FRMD5: variants seen among roughly 807,000 people sequenced by gnomAD.
The protein encoded by FRMD5 is FERM domain-containing protein 5.
Under a neutral mutation model 69.0 loss-of-function variants are expected in FRMD5, and 20 were observed. The ratio of observed to expected loss-of-function variants is 0.29; its 90% CI spans 0.20 to 0.42. The LOEUF is 0.42. FRMD5 is among the 10% of genes least tolerant of loss of function. FRMD5 has a pLI of 1.00. For synonymous variants in FRMD5, 271 were observed against 260.1 expected (o/e 1.04, Z -0.40); for missense variants, 595 against 708.6 (o/e 0.84, Z 1.82).
intron 1 of FRMD5, among the ~76,000 whole-genome samples, chr15:44,183,453 G>A (rs973082332): frequency 6.6e-6 from 1 of 152,206 alleles, no homozygotes; most frequent in African/African-American, 2.4e-5. Context: ...CATCTGGCAA[G>A]GGCAAATGGG....
chr15:43,918,669 T>C (rs1370146407), intron 4 of FRMD5, among the ~76,000 whole-genome samples: 9 of 152,234 alleles, frequency 5.9e-5, no homozygotes, highest in Non-Finnish European at 1.5e-5. Flanking sequence ...TCCTTACCTA[T>C]GGTCCTGCCT....
chr15:44,191,915 ATATATATTATATATATATATATATATG>A (rs2078201808), intron 1 of FRMD5, among the ~76,000 whole-genome samples: 1 of 9,774 alleles, frequency 1.0e-4, no homozygotes, highest in East Asian at 3.4e-3. Flanking sequence ...ATATATATAT[ATATATATTATATATATATATATATATG>A]TATCTCCATA....
At chr15:43,978,600 G>A (rs2140611056) in intron 1 of FRMD5, among the ~76,000 whole-genome samples, 1 of 152,278 alleles carries the variant, frequency 6.6e-6, no homozygotes, top group South Asian at 2.1e-4. Flanking sequence ...CACCCAGGCT[G>A]GAGTGCAGTG....
chr15:44,082,960 C>G (rs1286719528), intron 1 of FRMD5, among the ~76,000 whole-genome samples: 1 of 151,864 alleles, frequency 6.6e-6, no homozygotes, highest in Non-Finnish European at 1.5e-5. Context: ...ACAATGGTAC[C>G]AAAGGAGTGT....
Position 44,172,815 on chromosome 15 carries a change from A to G in FRMD5, c.102+22138T>C, listed in dbSNP as rs535162795. On this transcript the variant is annotated intron_variant, in intron 1 of 13. Coordinates refer to ENST00000417257, the MANE Select transcript of FRMD5 (RefSeq NM_032892.5). ...CTGAAAATAAAAACCTTCAGGAAAA[A>G]GTTTTCCTTCTCTTAACCAGGAAGA... Among the ~76,000 whole-genome samples the G allele has an allele frequency of 1.2e-4, 19 of 152,330 alleles. No individual in the cohort carries two copies. The South Asian group carries it at 3.3e-3, about 27-fold the overall frequency.
At chr15:44,178,345 A>T (rs1475518909) in intron 1 of FRMD5, among the ~76,000 whole-genome samples, 2 of 152,082 alleles carry the variant, frequency 1.3e-5, no homozygotes, top group Non-Finnish European at 2.9e-5. Context: ...AAAATAAAAA[A>T]ATTAAAAGGC....
chr15:43,975,652 T>C (rs997514059), intron 1 of FRMD5, among the ~76,000 whole-genome samples: 2 of 152,190 alleles, frequency 1.3e-5, no homozygotes, highest in African/African-American at 4.8e-5. Flanking sequence ...ATATATCATG[T>C]TTATAGGTTT....
intron 1 of FRMD5, among the ~76,000 whole-genome samples, chr15:44,041,550 T>C (rs893407617): frequency 1.3e-5 from 2 of 152,192 alleles, no homozygotes; most frequent in Middle Eastern, 3.4e-3. Context: ...CCTCAGCAAA[T>C]GCAAAAGAAC....
At chr15:44,171,092 A>C (rs1472978612) in intron 1 of FRMD5, among the ~76,000 whole-genome samples, 2 of 152,216 alleles carry the variant, frequency 1.3e-5, no homozygotes, top group Admixed American at 1.3e-4. Context: ...GCCTATAAGC[A>C]GTCATCTTAA....
intron 1 of FRMD5, among the ~76,000 whole-genome samples, chr15:44,066,993 T>C (rs1468714055): frequency 6.6e-6 from 1 of 151,812 alleles, no homozygotes; most frequent in East Asian, 1.9e-4. Context: ...TTGATGCTAG[T>C]GGGGAGAAAA....
chr15:43,984,710 G>A (rs965153758), intron 1 of FRMD5, among the ~76,000 whole-genome samples: 5 of 152,196 alleles, frequency 3.3e-5, no homozygotes, highest in Admixed American at 1.3e-4. Flanking sequence ...TGGGGTGGGC[G>A]CAGTGGCTCA....
chr15:43,873,023 C>G lies in FRMD5; in HGVS notation c.*862G>C, dbSNP rs2088202810. ...CAACATTTCTGACAGAACTATCTAT[C>G]TCTGGTACCACTGAATTCGTTTAAC... On this transcript the variant is annotated 3_prime_UTR_variant, in exon 14 of 14. Transcript: ENST00000417257. 1 of 657,126 alleles carries G rather than the reference C, an allele frequency of 1.5e-6. No individual in the cohort carries two copies. Among genetic ancestry groups the G allele is most frequent in the East Asian group, 2.7e-5 (1 of 36,426 alleles). 40.7% of individuals were successfully genotyped at this position (657,126 alleles called of 1,614,324 possible).
intron 1 of FRMD5, among the ~76,000 whole-genome samples, chr15:44,092,887 C>T (rs1301961084): frequency 6.8e-6 from 1 of 147,922 alleles, no homozygotes; most frequent in Non-Finnish European, 1.5e-5. Flanking sequence ...TTTTATCTTA[C>T]TTTGCATTAT....
At chr15:44,100,218 TA>T (rs201111649) in intron 1 of FRMD5, among the ~76,000 whole-genome samples, 332 of 143,736 alleles carry the variant, frequency 2.3e-3, no homozygotes, top group Admixed American at 2.1e-3. Context: ...CACACCCGGC[TA>T]AATTTTTTTT....
intron 1 of FRMD5, among the ~76,000 whole-genome samples, chr15:43,960,000 C>A (rs2140536073): frequency 6.6e-6 from 1 of 152,332 alleles, no homozygotes; most frequent in East Asian, 1.9e-4. Context: ...TCAACGCAAC[C>A]TCCACCTCCT....
chr15:43,999,474 A>G (rs779101174), intron 1 of FRMD5, among the ~76,000 whole-genome samples: 4 of 152,082 alleles, frequency 2.6e-5, no homozygotes, highest in Non-Finnish European at 5.9e-5. Flanking sequence ...CACCCATTTA[A>G]AAACTTTTTT....
intron 1 of FRMD5, among the ~76,000 whole-genome samples, chr15:44,145,481 A>C (rs2077342315): frequency 6.6e-6 from 1 of 152,228 alleles, no homozygotes; most frequent in Non-Finnish European, 1.5e-5. Context: ...GAAAGTTTAG[A>C]GGAAGAGGAT....
At chr15:43,885,130 T>C (rs1315804303) in intron 11 of FRMD5, 8 of 256,916 alleles carry the variant, frequency 3.1e-5, no homozygotes, top group African/African-American at 1.3e-4. Context: ...ATCACTGTTA[T>C]AGTTCTTATT....
chr15:44,025,926 G>T (rs1252452662), intron 1 of FRMD5, among the ~76,000 whole-genome samples: 2 of 152,098 alleles, frequency 1.3e-5, no homozygotes, highest in Admixed American at 1.3e-4. Flanking sequence ...TACTTATACA[G>T]GCTCTGGCAA....
Sources: allele counts gnomAD v4.1 joint callset (sites outside exome capture counted in the v4.1 genomes callset), GRCh38; gene constraint gnomAD v4.1.1; transcripts MANE v1.5; gene names NCBI Gene and HGNC (gene_info 2026-07-23, HGNC 2026-07-21).